Variants in AGBL1 observed in about 807,000 individuals in gnomAD.
The protein encoded by AGBL1 is AGBL carboxypeptidase 1.
In AGBL1, 130 loss-of-function variants were observed where a neutral mutation model predicts 118.9. The observed-to-expected ratio is 1.09, with a 90% confidence interval of 0.95 to 1.26. The LOEUF is 1.26. Ranked by LOEUF, AGBL1 falls within the 50% of genes most tolerant of loss-of-function variation. The probability of loss-of-function intolerance (pLI) is 0.00; values close to 1 mark genes in which losing one functional copy is unlikely to be tolerated. For missense variants in AGBL1, 1,584 were observed against 1,298.1 expected (o/e 1.22, Z -3.38); for synonymous variants, 555 against 478.9 (o/e 1.16, Z -2.08).
rs971434893 is a variant in AGBL1 at position 86,365,026 on chromosome 15, T to C, written c.2375-32340T>C. On this transcript the variant is annotated intron_variant, in intron 17 of 22. Coordinates refer to ENST00000614907, the MANE Select transcript of AGBL1 (RefSeq NM_001386094.1). ...ATATATATACACACACATATATATA[T>C]ACACACACATATATATACACACATA... 3.0e-5 allele frequency among the ~76,000 whole-genome samples: 4 copies of C among 133,148 alleles called. 1 individual carries two copies. Among genetic ancestry groups the C allele is most frequent in the East Asian group, 2.0e-4 (1 of 5,004 alleles). 87.4% of individuals were successfully genotyped at this position (133,148 alleles called of 152,430 possible).
chr15:86,129,863 G>A (rs1323692416), intron 1 of AGBL1, among the ~76,000 whole-genome samples: 1 of 152,196 alleles, frequency 6.6e-6, no homozygotes, highest in South Asian at 2.1e-4. Context: ...GAGAGAGCGT[G>A]TGGGGTGGAC....
rs745952847 is a variant in AGBL1 at position 86,686,043 on chromosome 15, G to A, written c.3158+11607G>A. On this transcript the variant is annotated intron_variant, in intron 22 of 22. Coordinates refer to ENST00000614907, the MANE Select transcript of AGBL1 (RefSeq NM_001386094.1). ...CCAGGTCAGGAAGCAAAACTAGTTA[G>A]CCTGCCTTTGTTGTTGTTCTTGATC... Among the ~76,000 whole-genome samples the A allele has an allele frequency of 3.9e-5, 6 of 152,306 alleles. No individual in the cohort carries two copies. In the South Asian group the frequency reaches 1.2e-3, roughly 32 times the overall value.
Position 86,101,413 on chromosome 15 carries a change from T to G in AGBL1, c.51+21390T>G, listed in dbSNP as rs12592988. On this transcript the variant is annotated intron_variant, in intron 1 of 22. Coordinates refer to ENST00000614907, the MANE Select transcript of AGBL1 (RefSeq NM_001386094.1). The stretch of plus-strand genomic sequence containing the variant: ...TAGCTTAAATCCAATGGTTTTTTTT[T>G]TTGTTGTTGTTAATTTTCTGTCTTG... Among the ~76,000 whole-genome samples the G allele has an allele frequency of 3.0e-4, 46 of 152,122 alleles. No homozygotes were observed. The East Asian group carries it at 5.2e-3, about 17-fold the overall frequency.
At chr15:86,497,633 T>G (rs553940488) in intron 18 of AGBL1, among the ~76,000 whole-genome samples, 2 of 152,034 alleles carry the variant, frequency 1.3e-5, no homozygotes, top group African/African-American at 4.8e-5. Flanking sequence ...AATCTCCCAT[T>G]TTCTGAACTG....
rs1279142015 is a variant in AGBL1 at position 86,385,901 on chromosome 15, CTTGT to C, written c.2375-11458_2375-11455del. On this transcript the variant is annotated intron_variant, in intron 17 of 22. Coordinates refer to ENST00000614907, the MANE Select transcript of AGBL1 (RefSeq NM_001386094.1). ...TTCCTATCTGACTTTTAAAAATTAC[CTTGT>C]TTGTTTTATTCTCCTCCTCCTCCCC... 5.3e-5 allele frequency among the ~76,000 whole-genome samples: 8 copies of C among 151,042 alleles called. No individual in the cohort carries two copies. The South Asian group carries it at 6.3e-4, about 12-fold the overall frequency.
At chr15:86,612,950 G>A (rs1339129477) in intron 21 of AGBL1, among the ~76,000 whole-genome samples, 1 of 152,164 alleles carries the variant, frequency 6.6e-6, no homozygotes, top group Admixed American at 6.5e-5. Context: ...CCTATGATCT[G>A]GAAGCTTCCC....
chr15:86,791,100 C>G (rs1193980111), intron 22 of AGBL1, among the ~76,000 whole-genome samples: 1 of 152,162 alleles, frequency 6.6e-6, no homozygotes, highest in African/African-American at 2.4e-5. Context: ...AGACTGAGAT[C>G]ACATCCTTAA....
chr15:86,232,287 G>A lies in AGBL1; in HGVS notation c.526+7336G>A, dbSNP rs76910577. ...GACGGTCAGACCCAGTAGGTTGGGCGGGCCTTGGGCTGAGCCGCAGACAGT... is the reference window on the plus strand; with the variant it reads ...GACGGTCAGACCCAGTAGGTTGGGCAGGCCTTGGGCTGAGCCGCAGACAGT... On this transcript the variant is annotated intron_variant, in intron 6 of 22. Coordinates refer to ENST00000614907, the MANE Select transcript of AGBL1 (RefSeq NM_001386094.1). 2.2e-3 allele frequency among the ~76,000 whole-genome samples: 341 copies of A among 152,318 alleles called. 2 individuals carry two copies. Among genetic ancestry groups the A allele is most frequent in the African/African-American group, 8.0e-3 (331 of 41,564 alleles).
intron 16 of AGBL1, among the ~76,000 whole-genome samples, chr15:86,291,395 C>A (rs1162172323): frequency 6.7e-6 from 1 of 148,680 alleles, no homozygotes; most frequent in Non-Finnish European, 1.5e-5. Flanking sequence ...CACACACACA[C>A]CACACAGAGA....
intron 1 of AGBL1, among the ~76,000 whole-genome samples, chr15:86,119,014 G>A (rs1897932968): frequency 6.6e-6 from 1 of 152,176 alleles, no homozygotes; most frequent in Admixed American, 6.5e-5. Flanking sequence ...GGCACACAAG[G>A]GGTGCATAGC....
At chr15:86,095,852 G>C (rs1231448967) in intron 1 of AGBL1, among the ~76,000 whole-genome samples, 1 of 151,652 alleles carries the variant, frequency 6.6e-6, no homozygotes, top group Non-Finnish European at 1.5e-5. Flanking sequence ...TTAAATCTTG[G>C]CTTTGCTATT....
intron 22 of AGBL1, among the ~76,000 whole-genome samples, chr15:86,731,223 T>C (rs185831235): frequency 6.6e-6 from 1 of 152,266 alleles, no homozygotes; most frequent in Admixed American, 6.5e-5. Context: ...GGAATGATAG[T>C]AGGTTCAGTT....
At position 86,632,274 on chromosome 15, in the gene AGBL1, TAA is replaced by T. The variant is rs138490379; in HGVS notation, c.2995-41982_2995-41981del. Among the ~76,000 whole-genome samples, 20 of 125,294 alleles carry T rather than the reference TAA, an allele frequency of 1.6e-4. No homozygotes were observed. The South Asian group carries it at 3.5e-3, about 22-fold the overall frequency. The allele number at this position is 125,294 out of a possible 152,430, so 82.2% of individuals were successfully genotyped here. On this transcript the variant is annotated intron_variant, in intron 21 of 22. Coordinates refer to ENST00000614907, the MANE Select transcript of AGBL1 (RefSeq NM_001386094.1). ...CAGCGCAAGACCCTGTCTTTCTCTTTAAAAAAAAAAAAAAAAAAGGCTGGCCA... is the reference window on the plus strand; with the variant it reads ...CAGCGCAAGACCCTGTCTTTCTCTTTAAAAAAAAAAAAAAAAGGCTGGCCA...
At chr15:86,326,353 A>C (rs1469821215) in intron 17 of AGBL1, among the ~76,000 whole-genome samples, 2 of 152,206 alleles carry the variant, frequency 1.3e-5, no homozygotes, top group African/African-American at 4.8e-5. Context: ...GGGGAAAAAC[A>C]GTTCCATTAC....
At chr15:86,223,202 T>C (rs2078306282) in intron 5 of AGBL1, among the ~76,000 whole-genome samples, 2 of 152,160 alleles carry the variant, frequency 1.3e-5, no homozygotes, top group Admixed American at 1.3e-4. Flanking sequence ...CATTATCTAA[T>C]GGATCATTAC....
At chr15:86,899,903 G>A (rs976714724) in intron 22 of AGBL1, among the ~76,000 whole-genome samples, 9 of 152,134 alleles carry the variant, frequency 5.9e-5, no homozygotes, top group African/African-American at 2.2e-4. Flanking sequence ...GACTGGGAGA[G>A]GCAGACCCAC....
In AGBL1 at chr15:86,916,042, C is replaced by T. The variant is rs2080418413; in HGVS notation, c.*8748C>T. 6.6e-6 allele frequency: 1 copy of T among 152,242 alleles called. No individual in the cohort carries two copies. Among genetic ancestry groups the T allele is most frequent in the South Asian group, 2.1e-4 (1 of 4,836 alleles). 9.4% of individuals were successfully genotyped at this position (152,242 alleles called of 1,614,324 possible). On this transcript the variant is annotated 3_prime_UTR_variant, in exon 23 of 23. Transcript: ENST00000614907. Reference sequence around the variant, plus strand: ...AAGGGCCTTGTTTTCCAATCACCGACTGTCCTGTCTACATTAGCATTCACC... The same window carrying T: ...AAGGGCCTTGTTTTCCAATCACCGATTGTCCTGTCTACATTAGCATTCACC...
rs377271003 is a variant in AGBL1 at position 86,674,413 on chromosome 15, C to T, written c.3135C>T (p.Asp1045=). 133 of 1,609,680 alleles carry T rather than the reference C, an allele frequency of 8.3e-5. No individual in the cohort carries two copies. In the South Asian group the frequency reaches 9.9e-4, roughly 12 times the overall value. ...QAATLLSAEE[D]ALDQHLQRCS... ...CAACTCTGCTGAGTGCTGAGGAGGA[C>T]GCTCTGGACCAGCACCTCCAACGGT... The change falls in exon 22 of 23, where the codon GAC becomes GAT. Residue 1045 remains aspartate (D), a synonymous_variant. Coordinates refer to ENST00000614907, the MANE Select transcript of AGBL1 (RefSeq NM_001386094.1).
chr15:86,667,314 T>A (rs910059394), intron 21 of AGBL1, among the ~76,000 whole-genome samples: 9 of 152,002 alleles, frequency 5.9e-5, no homozygotes, highest in Non-Finnish European at 1.3e-4. Context: ...TATATATTAG[T>A]AATGCAATAA....
Sources: gnomAD v4.1 joint callset for allele counts (sites outside exome capture counted in the v4.1 genomes callset) on GRCh38, gnomAD v4.1.1 for gene constraint, MANE v1.5 for transcripts, NCBI Gene and HGNC (gene_info 2026-07-23, HGNC 2026-07-21) for gene names.